NOX4: variants seen among roughly 807,000 people sequenced by gnomAD.
NOX4 encodes kidney oxidase-1.
Under a neutral mutation model 87.6 loss-of-function variants are expected in NOX4, and 69 were observed. That is an observed-to-expected ratio of 0.79 (90% confidence interval 0.65 to 0.96). NOX4 has a LOEUF of 0.96. Ranked by LOEUF, NOX4 falls within the 40% of genes least tolerant of loss-of-function variation. NOX4 has a pLI of 0.00. For missense variants in NOX4, 680 were observed against 681.5 expected, an observed-to-expected ratio of 1.00 and a Z score of 0.02; for synonymous variants, 275 against 238.2, an observed-to-expected ratio of 1.15 and a Z score of -1.42.
chr11:89,349,254 G>A (rs768022498), intron 13 of NOX4, among the ~76,000 whole-genome samples: 1 of 151,686 alleles, frequency 6.6e-6, no homozygotes, highest in Non-Finnish European at 1.5e-5. Flanking sequence ...ACCACTGCAC[G>A]CCAGCCTAGG....
At position 89,325,112 on chromosome 11, in the gene NOX4, A is replaced by ATTT. The variant is rs1590923384; in HGVS notation, c.*1643_*1644insAAA. 1.1e-4 allele frequency: 8 copies of ATTT among 71,236 alleles called. No individual in the cohort carries two copies. Among genetic ancestry groups the ATTT allele is most frequent in the African/African-American group, 4.3e-4 (8 of 18,590 alleles). The allele number at this position is 71,236 out of a possible 1,614,324, so 4.4% of individuals were successfully genotyped here. ...ATCACTAAACTGTATGAATGCTTTA[A>ATTT]TTCTTTTTTTTTTTTTTTTTTTTTT... On this transcript the variant is annotated 3_prime_UTR_variant, in exon 18 of 18. Coordinates refer to ENST00000263317, the MANE Select transcript of NOX4 (RefSeq NM_016931.5).
rs553095053 is a variant in NOX4 at position 89,352,866 on chromosome 11, C to T, written c.1217+2096G>A. ...ATCGAGTTTCACTCTGTTGCCCAGG[C>T]TGGAGCGCAGTGGCACAATCTCAGC... On this transcript the variant is annotated intron_variant, in intron 13 of 17. Transcript: ENST00000263317. Among the ~76,000 whole-genome samples, 3 of 152,338 alleles carry T rather than the reference C, an allele frequency of 2.0e-5. No individual in the cohort carries two copies. In the East Asian group the frequency reaches 5.8e-4, roughly 29 times the overall value.
At chr11:89,473,452 G>A (rs964806256) in intron 2 of NOX4, among the ~76,000 whole-genome samples, 8 of 147,256 alleles carry the variant, frequency 5.4e-5, no homozygotes, top group African/African-American at 1.8e-4. Context: ...ATATACTGGT[G>A]GCCTGAATAA....
chr11:89,523,016 TTTTTTTTTCTTTTC>T, the NOX4 span, among the ~76,000 whole-genome samples: 4 of 151,270 alleles, frequency 2.6e-5, no homozygotes, highest in East Asian at 3.9e-4. Context: ...TACAGAACGC[TTTTTTTTTCTTTTC>T]TTTTTTTTCT....
At chr11:89,550,960 A>G in the NOX4 span, among the ~76,000 whole-genome samples, 1 of 152,150 alleles carries the variant, frequency 6.6e-6, no homozygotes, top group African/African-American at 2.4e-5. Flanking sequence ...TAATTTTTGT[A>G]TAAGGTATAA....
At chr11:89,489,534 C>T (rs1946764015) in intron 2 of NOX4, among the ~76,000 whole-genome samples, 1 of 151,930 alleles carries the variant, frequency 6.6e-6, no homozygotes, top group African/African-American at 2.4e-5. Flanking sequence ...TCTAGACCAG[C>T]CTGACCAACA....
At chr11:89,431,004 G>C (rs1282961086) in intron 7 of NOX4, among the ~76,000 whole-genome samples, 1 of 152,184 alleles carries the variant, frequency 6.6e-6, no homozygotes, top group Non-Finnish European at 1.5e-5. Context: ...TACCAAAACA[G>C]AGATATAGAC....
intron 12 of NOX4, among the ~76,000 whole-genome samples, chr11:89,366,252 G>T (rs1414929199): frequency 6.6e-6 from 1 of 151,972 alleles, no homozygotes; most frequent in Non-Finnish European, 1.5e-5. Context: ...GGATAACAGA[G>T]ACTCTAAGCA....
At chr11:89,544,151 C>T in the NOX4 span, among the ~76,000 whole-genome samples, 5 of 152,212 alleles carry the variant, frequency 3.3e-5, no homozygotes, top group East Asian at 9.7e-4. Context: ...TGATTTATCT[C>T]AATACATTTC....
intron 16 of NOX4, 36 bp from the exon 17 acceptor site, chr11:89,335,981 A>C: frequency 7.6e-7 from 1 of 1,314,692 alleles, no homozygotes; most frequent in Non-Finnish European, 1.1e-6. Context: ...TTCGATATTT[A>C]GTTAAGTAAA....
At chr11:89,583,509 A>T in the NOX4 span, among the ~76,000 whole-genome samples, 2 of 152,176 alleles carry the variant, frequency 1.3e-5, no homozygotes, top group Non-Finnish European at 2.9e-5. Flanking sequence ...TATTGCTTCC[A>T]TTCCAGTGGC....
the NOX4 span, among the ~76,000 whole-genome samples, chr11:89,560,532 T>C: frequency 6.6e-6 from 1 of 152,010 alleles, no homozygotes; most frequent in Non-Finnish European, 1.5e-5. Context: ...TTCCATGAGG[T>C]ATGTCTGTGA....
At chr11:89,489,466 G>A (rs891081446) in intron 2 of NOX4, among the ~76,000 whole-genome samples, 1 of 152,072 alleles carries the variant, frequency 6.6e-6, no homozygotes, top group Non-Finnish European at 1.5e-5. Flanking sequence ...GGTGGCTCAC[G>A]CCTGTAATTT....
the NOX4 span, among the ~76,000 whole-genome samples, chr11:89,574,625 C>T: frequency 7.9e-5 from 12 of 152,218 alleles, no homozygotes; most frequent in African/African-American, 2.7e-4. Flanking sequence ...TTTCTCTCAA[C>T]TGGACTAGAT....
At chr11:89,419,423 T>C (rs1942968012) in intron 8 of NOX4, among the ~76,000 whole-genome samples, 1 of 151,198 alleles carries the variant, frequency 6.6e-6, no homozygotes, top group Non-Finnish European at 1.5e-5. Context: ...ATCAGTATAG[T>C]TTTTTTTTAA....
At chr11:89,511,229 CTCA>C in the NOX4 span, among the ~76,000 whole-genome samples, 1 of 152,044 alleles carries the variant, frequency 6.6e-6, no homozygotes, top group Admixed American at 6.6e-5. Flanking sequence ...ACCTCATGAA[CTCA>C]TCATTTTTTT....
chr11:89,549,698 T>C, the NOX4 span, among the ~76,000 whole-genome samples: 1 of 152,190 alleles, frequency 6.6e-6, no homozygotes, highest in Non-Finnish European at 1.5e-5. Flanking sequence ...TGTCTATGTG[T>C]TCTCACTATT....
chr11:89,502,915 T>C (rs544398799), upstream of NOX4, among the ~76,000 whole-genome samples: 22 of 152,146 alleles, frequency 1.4e-4, no homozygotes, highest in East Asian at 3.7e-3. Flanking sequence ...ACTTCAAAAA[T>C]GAACACAATT....
chr11:89,330,150 C>T (rs1339577383), intron 17 of NOX4, among the ~76,000 whole-genome samples: 1 of 151,870 alleles, frequency 6.6e-6, no homozygotes. Flanking sequence ...ATTCAAAGTA[C>T]CAGCCTGGCC....
Sources: gnomAD v4.1 joint callset for allele counts (sites outside exome capture counted in the v4.1 genomes callset) on GRCh38, gnomAD v4.1.1 for gene constraint, MANE v1.5 for transcripts, NCBI Gene and HGNC (gene_info 2026-07-23, HGNC 2026-07-21) for gene names.